The following PDE4B variants were observed in gnomAD, a reference collection of about 807,000 sequenced individuals.
PDE4B encodes 3',5'-cyclic-AMP phosphodiesterase 4B.
PDE4B carries 20 observed loss-of-function variants against 82.2 expected under a neutral mutation model. The observed-to-expected ratio is 0.24, with a 90% confidence interval of 0.17 to 0.35. PDE4B has a LOEUF of 0.35. PDE4B is among the 10% of genes least tolerant of loss of function. The pLI, the probability that PDE4B is intolerant of heterozygous loss-of-function variation, is 1.00. For synonymous variants in PDE4B, 320 were observed against 318.9 expected (o/e 1.00, Z -0.04); for missense variants, 655 against 907.2 (o/e 0.72, Z 3.57).
At chr1:65,924,490 A>G (rs114188511) in intron 3 of PDE4B, among the ~76,000 whole-genome samples, 1,829 of 152,216 alleles carry the variant, frequency 0.012, 41 homozygotes, top group African/African-American at 0.042. Context: ...AAAATACACT[A>G]GATAATGTTA....
intron 3 of PDE4B, among the ~76,000 whole-genome samples, chr1:66,164,490 T>G (rs1646679471): frequency 8.3e-6 from 1 of 120,874 alleles, no homozygotes; most frequent in African/African-American, 3.3e-5. Context: ...GAGCCAAGAC[T>G]GTGCCACTGC....
At chr1:65,872,553 A>T (rs958138989) in intron 1 of PDE4B, among the ~76,000 whole-genome samples, 1 of 152,194 alleles carries the variant, frequency 6.6e-6, no homozygotes, top group African/African-American at 2.4e-5. Context: ...TAGATTGCCA[A>T]AGTAAATCTC....
At chr1:65,899,670 A>ATG (rs1427560276) in intron 1 of PDE4B, among the ~76,000 whole-genome samples, 3 of 147,686 alleles carry the variant, frequency 2.0e-5, no homozygotes, top group African/African-American at 7.4e-5. Context: ...ATTCCATTTT[A>ATG]TATATATATA....
chr1:65,834,718 G>C (rs925222970), intron 1 of PDE4B, among the ~76,000 whole-genome samples: 1 of 152,118 alleles, frequency 6.6e-6, no homozygotes, highest in Non-Finnish European at 1.5e-5. Context: ...TCTAAATTGA[G>C]GCAGAATCCA....
At chr1:65,890,651 C>T (rs1203511976) in intron 1 of PDE4B, among the ~76,000 whole-genome samples, 6 of 151,872 alleles carry the variant, frequency 4.0e-5, no homozygotes, top group African/African-American at 9.7e-5. Flanking sequence ...GAGAGTCCCA[C>T]GAGAGTGGTG....
At chr1:66,201,703 A>T (rs1203343770) in intron 3 of PDE4B, among the ~76,000 whole-genome samples, 1 of 151,058 alleles carries the variant, frequency 6.6e-6, no homozygotes, top group Non-Finnish European at 1.5e-5. Flanking sequence ...CCCCTTTGTC[A>T]TTTTTTATTG....
intron 3 of PDE4B, among the ~76,000 whole-genome samples, chr1:66,058,127 G>T (rs1257122648): frequency 6.6e-6 from 1 of 152,164 alleles, no homozygotes; most frequent in Non-Finnish European, 1.5e-5. Context: ...GGGGCTACAG[G>T]CCCCATGTAA....
In PDE4B at chr1:65,856,919, T is replaced by G. The variant is rs1469972734; in HGVS notation, c.-70-56326T>G. Among the ~76,000 whole-genome samples, 4 of 152,210 alleles carry G rather than the reference T, an allele frequency of 2.6e-5. No individual in the cohort carries two copies. The South Asian group carries it at 8.3e-4, about 31-fold the overall frequency. ...CCTTCGAAGTAGCCCCACCTCAGTTTAATGCAACTGCCTTGTCAGTGGATA... is the reference window on the plus strand; with the variant it reads ...CCTTCGAAGTAGCCCCACCTCAGTTGAATGCAACTGCCTTGTCAGTGGATA... On this transcript the variant is annotated intron_variant, in intron 1 of 16. Transcript: ENST00000341517.
chr1:65,934,446 AAGAC>A (rs1187635706), intron 3 of PDE4B, among the ~76,000 whole-genome samples: 3 of 152,224 alleles, frequency 2.0e-5, no homozygotes, highest in Non-Finnish European at 2.9e-5. Flanking sequence ...TAAAAAATAA[AAGAC>A]AGAGAAAGAA....
At chr1:66,283,773 T>G (rs913974492) in intron 7 of PDE4B, among the ~76,000 whole-genome samples, 3 of 152,118 alleles carry the variant, frequency 2.0e-5, no homozygotes, top group African/African-American at 7.2e-5. Flanking sequence ...AAAAAGAAGA[T>G]TCTTCTCTTT....
intron 1 of PDE4B, among the ~76,000 whole-genome samples, chr1:65,910,332 T>C (rs1647075710): frequency 6.6e-6 from 1 of 152,220 alleles, no homozygotes; most frequent in Admixed American, 6.5e-5. Context: ...GCCGACCTTT[T>C]CTCAAAGTAT....
intron 1 of PDE4B, among the ~76,000 whole-genome samples, chr1:65,819,499 G>GTTTTTTTTT (rs11438074): frequency 2.1e-5 from 3 of 145,426 alleles, no homozygotes; most frequent in African/African-American, 7.8e-5. Flanking sequence ...GTTTGTTTTT[G>GTTTTTTTTT]TTTTGTTTTT....
At chr1:66,055,441 A>G (rs561765787) in intron 3 of PDE4B, among the ~76,000 whole-genome samples, 30 of 152,266 alleles carry the variant, frequency 2.0e-4, no homozygotes, top group Admixed American at 1.0e-3. Context: ...TGCCTGGCAC[A>G]TAGTAGCTAT....
At chr1:65,956,776 C>A (rs78353223) in intron 3 of PDE4B, among the ~76,000 whole-genome samples, 25,519 of 151,982 alleles carry the variant, frequency 0.17, 2,752 homozygotes, top group Non-Finnish European at 0.24. Flanking sequence ...AAGAGACAGT[C>A]ATTGGTGTGA....
intron 3 of PDE4B, among the ~76,000 whole-genome samples, chr1:66,235,055 C>A (rs905514276): frequency 2.0e-5 from 3 of 152,108 alleles, no homozygotes; most frequent in African/African-American, 7.2e-5. Flanking sequence ...ATGCCTGGGG[C>A]TTTACCAAAA....
At chr1:65,842,830 A>C (rs1310457113) in intron 1 of PDE4B, among the ~76,000 whole-genome samples, 1 of 152,210 alleles carries the variant, frequency 6.6e-6, no homozygotes, top group African/African-American at 2.4e-5. Flanking sequence ...ATAGAGTTGC[A>C]TGCAGAGCAC....
intron 1 of PDE4B, among the ~76,000 whole-genome samples, chr1:65,802,881 A>G (rs553958294): frequency 6.6e-6 from 1 of 152,298 alleles, no homozygotes; most frequent in Admixed American, 6.5e-5. Flanking sequence ...TTCCTTCTAC[A>G]TTAATGATGA....
intron 3 of PDE4B, among the ~76,000 whole-genome samples, chr1:66,210,904 C>A (rs1011878288): frequency 1.3e-5 from 2 of 152,182 alleles, no homozygotes; most frequent in Non-Finnish European, 2.9e-5. Context: ...TATTCCATTT[C>A]TTTTTTGCCT....
At chr1:66,107,674 T>C (rs1029320800) in intron 3 of PDE4B, among the ~76,000 whole-genome samples, 3 of 152,040 alleles carry the variant, frequency 2.0e-5, no homozygotes, top group Non-Finnish European at 4.4e-5. Flanking sequence ...TATTTTCTAG[T>C]GTTTTTCCCT....
Sources: allele counts gnomAD v4.1 joint callset (sites outside exome capture counted in the v4.1 genomes callset), GRCh38; gene constraint gnomAD v4.1.1; transcripts MANE v1.5; gene names NCBI Gene and HGNC (gene_info 2026-07-23, HGNC 2026-07-21).